Variants in ZEB2 observed in about 807,000 individuals in gnomAD.
The protein encoded by ZEB2 is zinc finger E-box binding homeobox 2, also known as zinc finger E-box-binding homeobox 2.
Under a neutral mutation model 99.9 loss-of-function variants are expected in ZEB2, and 6 were observed. That is an observed-to-expected ratio of 0.06 (90% CI 0.03 to 0.12). The LOEUF (loss-of-function observed/expected upper bound fraction) is 0.12, where lower values mean the gene tolerates loss of function less well. Among genes scored for constraint, ZEB2 ranks in the 10% least tolerant of loss-of-function variants. The pLI is 1.00. For synonymous variants in ZEB2, 517 were observed against 542.5 expected (o/e 0.95, Z 0.65); for missense variants, 969 against 1,502.8 (o/e 0.64, Z 5.87).
At chr2:144,508,481 G>C (rs530339897) in intron 2 of ZEB2, among the ~76,000 whole-genome samples, 4 of 152,160 alleles carry the variant, frequency 2.6e-5, no homozygotes, top group Admixed American at 2.0e-4. Context: ...TCACACATTT[G>C]TGGCTGCTCG....
chr2:144,444,428 T>C (rs1213116344), intron 2 of ZEB2, among the ~76,000 whole-genome samples: 2 of 152,222 alleles, frequency 1.3e-5, no homozygotes, highest in East Asian at 1.9e-4. Context: ...CAATTCTGAA[T>C]GGCATCTGTG....
At chr2:144,513,525 C>G in intron 2 of ZEB2, 1 of 1,529,046 alleles carries the variant, frequency 6.5e-7, no homozygotes, top group Non-Finnish European at 8.7e-7. Flanking sequence ...TCATTTCTTT[C>G]TCTGAAACAA....
intron 7 of ZEB2, 138 bp downstream of exon 7, chr2:144,401,061 T>C (rs1675351245): frequency 3.9e-6 from 3 of 779,086 alleles, no homozygotes; most frequent in Non-Finnish European, 6.6e-6. Context: ...TGAACACAAA[T>C]CAGGCACACA....
chr2:144,415,524 G>C (rs1034725613), intron 4 of ZEB2, among the ~76,000 whole-genome samples: 1 of 152,096 alleles, frequency 6.6e-6, no homozygotes, highest in African/African-American at 2.4e-5. Flanking sequence ...AAATGAAACT[G>C]TGTCATCCCC....
intron 2 of ZEB2, chr2:144,516,559 G>C (rs1050310976): frequency 6.6e-6 from 1 of 150,728 alleles, no homozygotes; most frequent in Non-Finnish European, 1.5e-5. Context: ...AGAAACTGCC[G>C]GGAAAAGTCT....
intron 2 of ZEB2, among the ~76,000 whole-genome samples, chr2:144,432,514 T>A (rs1245191261): frequency 6.6e-6 from 1 of 152,142 alleles, no homozygotes; most frequent in African/African-American, 2.4e-5. Context: ...TGGTTGACCA[T>A]CTGACAATCA....
chr2:144,494,961 T>C (rs1240538808), intron 2 of ZEB2: 2 of 152,076 alleles, frequency 1.3e-5, no homozygotes, highest in Non-Finnish European at 2.9e-5. Context: ...AAGGAAAAAA[T>C]GCCTATTTCT....
chr2:144,499,226 G>A lies in ZEB2; in HGVS notation c.73+18052C>T, dbSNP rs117716281. Among the ~76,000 whole-genome samples the A allele has an allele frequency of 7.4e-4, 112 of 152,266 alleles. 2 individuals carry two copies. In the East Asian group the frequency reaches 0.021, roughly 28 times the overall value. ...AGTCTCTTAACTCCAGTGGTATCAAGCCAGATACTCAAACCCCATATTCTC... is the reference window on the plus strand; with the variant it reads ...AGTCTCTTAACTCCAGTGGTATCAAACCAGATACTCAAACCCCATATTCTC... On this transcript the variant is annotated intron_variant, in intron 2 of 9. Transcript: ENST00000627532.
chr2:144,436,290 C>T (rs1427249626), intron 2 of ZEB2, among the ~76,000 whole-genome samples: 1 of 152,110 alleles, frequency 6.6e-6, no homozygotes, highest in East Asian at 1.9e-4. Context: ...TATAGTCAGC[C>T]TTTATACAAA....
At chr2:144,435,868 AT>A (rs1274498604) in intron 2 of ZEB2, among the ~76,000 whole-genome samples, 2 of 150,026 alleles carry the variant, frequency 1.3e-5, no homozygotes, top group Non-Finnish European at 3.0e-5. Context: ...GGATGCAGCT[AT>A]TTTTCAATAA....
intron 2 of ZEB2, chr2:144,513,899 C>A: frequency 6.6e-7 from 1 of 1,505,946 alleles, no homozygotes; most frequent in Non-Finnish European, 8.9e-7. Context: ...GTGAGTCAGG[C>A]GACTGAGGAT....
Position 144,449,304 on chromosome 2 carries a change from T to C in ZEB2, c.74-19278A>G, listed in dbSNP as rs566733991. Among the ~76,000 whole-genome samples the C allele has an allele frequency of 2.0e-4, 31 of 152,254 alleles. No homozygotes were observed. The South Asian group carries it at 6.2e-3, about 31-fold the overall frequency. ...AGACAGGGGGAGCTATTCAGGAAAATGTGCTTTGTTATTTCCTTCTGGCAC... is the reference window on the plus strand; with the variant it reads ...AGACAGGGGGAGCTATTCAGGAAAACGTGCTTTGTTATTTCCTTCTGGCAC... On this transcript the variant is annotated intron_variant, in intron 2 of 9. Transcript: ENST00000627532.
intron 3 of ZEB2, chr2:144,428,937 G>A (rs1469986417): frequency 6.6e-6 from 1 of 152,050 alleles, no homozygotes; most frequent in East Asian, 1.9e-4. Flanking sequence ...GAATTAGAGA[G>A]GTCATTTAAA....
At chr2:144,502,340 T>C (rs1327015001) in intron 2 of ZEB2, among the ~76,000 whole-genome samples, 1 of 152,178 alleles carries the variant, frequency 6.6e-6, no homozygotes, top group Non-Finnish European at 1.5e-5. Context: ...AGATTTTTTT[T>C]TTCATAAAGT....
chr2:144,462,422 A>G (rs1305404608), intron 2 of ZEB2: 1 of 152,196 alleles, frequency 6.6e-6, no homozygotes, highest in Non-Finnish European at 1.5e-5. Flanking sequence ...CAAAAAACAA[A>G]AGAAAACAAA....
At chr2:144,424,364 A>G in intron 4 of ZEB2, 1 of 518,788 alleles carries the variant, frequency 1.9e-6, no homozygotes, top group South Asian at 1.4e-5. Context: ...GTTCGTGGAA[A>G]TTTGTCTTTC....
chr2:144,443,861 T>TAA (rs78597039), intron 2 of ZEB2, among the ~76,000 whole-genome samples: 1 of 143,004 alleles, frequency 7.0e-6, no homozygotes, highest in Non-Finnish European at 1.5e-5. Flanking sequence ...AAAATGTATT[T>TAA]AAAAAAAAAA....
chr2:144,512,026 C>A (rs964010454), intron 2 of ZEB2: 1 of 1,287,156 alleles, frequency 7.8e-7, no homozygotes, highest in African/African-American at 1.5e-5. Flanking sequence ...AAAGAGCAAT[C>A]AAAAAGGTGT....
rs567754414 is a variant in ZEB2, at chr2:144,451,207, T to C, written c.74-21181A>G. Among the ~76,000 whole-genome samples the C allele has an allele frequency of 8.5e-5, 13 of 152,352 alleles. No individual in the cohort carries two copies. The East Asian group carries it at 2.5e-3, about 29-fold the overall frequency. The stretch of plus-strand genomic sequence containing the variant: ...CCTATAGAAGCTGTTAGTTCCCATA[T>C]AGAAATACTAGAGTGAATAAATTGG... On this transcript the variant is annotated intron_variant, in intron 2 of 9. Transcript: ENST00000627532.
Sources: allele counts gnomAD v4.1 joint callset (sites outside exome capture counted in the v4.1 genomes callset), GRCh38; gene constraint gnomAD v4.1.1; transcripts MANE v1.5; gene names NCBI Gene and HGNC (gene_info 2026-07-23, HGNC 2026-07-21).